The following TRPM3 variants were observed in gnomAD, a reference collection of about 807,000 sequenced individuals.
TRPM3 encodes the protein long transient receptor potential channel 3.
A neutral mutation model predicts 181.2 loss-of-function variants in TRPM3; 77 were observed. That is an observed-to-expected ratio of 0.42 (90% CI 0.35 to 0.51). The LOEUF is 0.51. TRPM3 is among the 20% of genes least tolerant of loss of function. The pLI, the probability that TRPM3 is intolerant of heterozygous loss-of-function variation, is 0.01. For synonymous variants in TRPM3, 745 were observed against 796.4 expected, an observed-to-expected ratio of 0.94 and a Z score of 1.09; for missense variants, 1,759 against 2,196.7, an observed-to-expected ratio of 0.80 and a Z score of 3.98.
At chr9:70,616,329 G>A (rs903605393) in intron 17 of TRPM3, among the ~76,000 whole-genome samples, 3 of 151,902 alleles carry the variant, frequency 2.0e-5, no homozygotes, top group Admixed American at 1.3e-4. Flanking sequence ...TCTCATTTTT[G>A]GAGGAAAAAA....
chr9:71,032,009 T>TTATATA (rs2057426560), intron 1 of TRPM3, among the ~76,000 whole-genome samples: 3 of 136 alleles, frequency 0.022, 1 homozygote, highest in Non-Finnish European at 0.062. Context: ...AATTATATAA[T>TTATATA]ATATAATATA....
intron 7 of TRPM3, among the ~76,000 whole-genome samples, chr9:70,778,499 A>C (rs1003791823): frequency 6.6e-6 from 1 of 152,216 alleles, no homozygotes; most frequent in Admixed American, 6.6e-5. Flanking sequence ...TTTTATAGAT[A>C]AAACCACCAG....
chr9:71,183,674 TC>T (rs1216572712), intron 1 of TRPM3, among the ~76,000 whole-genome samples: 1 of 152,130 alleles, frequency 6.6e-6, no homozygotes, highest in Non-Finnish European at 1.5e-5. Flanking sequence ...GGGAAAATCT[TC>T]CCTTCTTGAC....
intron 1 of TRPM3, among the ~76,000 whole-genome samples, chr9:71,108,002 G>A (rs2070122772): frequency 6.6e-6 from 1 of 152,104 alleles, no homozygotes; most frequent in African/African-American, 2.4e-5. Flanking sequence ...ATGAACAATG[G>A]GAGCAACTCA....
rs74982433 is a variant in TRPM3 at position 71,400,330 on chromosome 9, T to C, written c.183+46323A>G. On this transcript the variant is annotated intron_variant, in intron 1 of 24. Transcript: ENST00000357533. Reference sequence around the variant, plus strand: ...TTTCTACACTTCCAGCAGCTAATTCTAAGTGTTTGGCTCTGTAATTAAAAC... The same window carrying C: ...TTTCTACACTTCCAGCAGCTAATTCCAAGTGTTTGGCTCTGTAATTAAAAC... Among the ~76,000 whole-genome samples the C allele has an allele frequency of 7.3e-3, 1,110 of 152,318 alleles. 14 individuals are homozygous for C. Among genetic ancestry groups the C allele is most frequent in the African/African-American group, 0.025 (1,044 of 41,578 alleles).
At chr9:70,758,898 T>C (rs2077565947) in intron 8 of TRPM3, among the ~76,000 whole-genome samples, 1 of 152,108 alleles carries the variant, frequency 6.6e-6, no homozygotes, top group Non-Finnish European at 1.5e-5. Context: ...ACCTAGGCAA[T>C]ACCATTCAGG....
chr9:70,904,049 C>A (rs1420193496), intron 1 of TRPM3, among the ~76,000 whole-genome samples: 1 of 152,046 alleles, frequency 6.6e-6, no homozygotes, highest in Non-Finnish European at 1.5e-5. Context: ...ATGGCGAAAC[C>A]TATCTCTACA....
chr9:70,549,815 C>A, intron 24 of TRPM3, 141 bp from the exon 25 acceptor site: 1 of 833,960 alleles, frequency 1.2e-6, no homozygotes, highest in Non-Finnish European at 1.8e-6. Context: ...AAATGAAATC[C>A]AAATCCAATT....
intron 1 of TRPM3, among the ~76,000 whole-genome samples, chr9:71,383,543 G>A (rs905749376): frequency 2.0e-5 from 3 of 152,128 alleles, no homozygotes; most frequent in Admixed American, 1.3e-4. Context: ...AAAGGCAACA[G>A]CCCCTGTCAG....
intron 22 of TRPM3, among the ~76,000 whole-genome samples, chr9:70,587,160 G>C (rs1397621249): frequency 6.6e-6 from 1 of 152,180 alleles, no homozygotes; most frequent in East Asian, 1.9e-4. Context: ...AAGTAGATTG[G>C]ATAGCTAATT....
At chr9:71,008,769 C>A (rs991899204) in intron 1 of TRPM3, among the ~76,000 whole-genome samples, 2 of 152,168 alleles carry the variant, frequency 1.3e-5, no homozygotes, top group African/African-American at 4.8e-5. Context: ...CACTTAAACC[C>A]AGGAGGCGGA....
In TRPM3 at chr9:70,625,439, A is replaced by G; in HGVS notation, c.1668+43T>C. ...TAGAGTAAAAAAAAAATAATGAAAA[A>G]AGAAACATATGAATGTATTATTATG... On this transcript the variant is annotated intron_variant, in intron 13 of 25. Coordinates refer to ENST00000677713, the MANE Select transcript of TRPM3 (RefSeq NM_001366145.2). This position sits in a 1 kb window ranked among gnomAD's most constrained non-coding sequence, Gnocchi z 4.8. 1 of 1,591,596 alleles carries G rather than the reference A, an allele frequency of 6.3e-7. No individual in the cohort carries two copies. Among genetic ancestry groups the G allele is most frequent in the South Asian group, 1.2e-5 (1 of 85,722 alleles).
intron 1 of TRPM3, among the ~76,000 whole-genome samples, chr9:71,053,836 T>C (rs1250708731): frequency 5.3e-5 from 8 of 152,028 alleles, no homozygotes; most frequent in Admixed American, 5.2e-4. Flanking sequence ...ATGAGCATCA[T>C]TAATACATAT....
In TRPM3 at chr9:70,761,362, A is replaced by G. The variant is rs992505402; in HGVS notation, c.1272+239T>C. On this transcript the variant is annotated intron_variant, in intron 8 of 25. Coordinates refer to ENST00000677713, the MANE Select transcript of TRPM3 (RefSeq NM_001366145.2). Reference sequence around the variant, plus strand: ...TTGTTGAGGCAGTCAGAGCGTTTGGATGAGCTCCAAAAGGAAATGATGCTA... The same window carrying G: ...TTGTTGAGGCAGTCAGAGCGTTTGGGTGAGCTCCAAAAGGAAATGATGCTA... The G allele has an allele frequency of 4.1e-5, 27 of 653,424 alleles. No homozygotes were observed. The East Asian group carries it at 6.8e-4, about 16-fold the overall frequency. 40.5% of individuals were successfully genotyped at this position (653,424 alleles called of 1,614,324 possible).
chr9:71,319,391 C>T (rs2088974663), intron 1 of TRPM3, among the ~76,000 whole-genome samples: 1 of 152,128 alleles, frequency 6.6e-6, no homozygotes, highest in Non-Finnish European at 1.5e-5. Context: ...GTGTAAGTCC[C>T]AATCCCAATA....
intron 5 of TRPM3, among the ~76,000 whole-genome samples, chr9:70,841,621 C>A (rs1434316114): frequency 8.7e-5 from 5 of 57,520 alleles, no homozygotes; most frequent in South Asian, 7.0e-4. Flanking sequence ...TATCTATATC[C>A]CACTATATAT....
At chr9:70,659,497 C>T (rs2060817520) in intron 9 of TRPM3, among the ~76,000 whole-genome samples, 1 of 151,928 alleles carries the variant, frequency 6.6e-6, no homozygotes, top group African/African-American at 2.4e-5. Context: ...AATATAAAAG[C>T]CTATGTAAAA....
At chr9:71,076,692 C>T (rs2063503511) in intron 1 of TRPM3, among the ~76,000 whole-genome samples, 1 of 152,162 alleles carries the variant, frequency 6.6e-6, no homozygotes, top group Admixed American at 6.5e-5. Context: ...TTTCCTCAAC[C>T]TCATACAAAT....
At chr9:71,400,366 T>C (rs2093313605) in intron 1 of TRPM3, among the ~76,000 whole-genome samples, 1 of 152,190 alleles carries the variant, frequency 6.6e-6, no homozygotes, top group South Asian at 2.1e-4. Context: ...ATAATTGAGA[T>C]ATTTTGGTAT....
Sources: allele counts gnomAD v4.1 joint callset (sites outside exome capture counted in the v4.1 genomes callset), GRCh38; gene constraint gnomAD v4.1.1; non-coding constraint Gnocchi (gnomAD v3.1); transcripts MANE v1.5; gene names NCBI Gene and HGNC (gene_info 2026-07-23, HGNC 2026-07-21).